The following KDM4C variants were observed in gnomAD, a reference collection of about 807,000 sequenced individuals.
KDM4C encodes lysine demethylase 4C.
A neutral mutation model predicts 129.3 loss-of-function variants in KDM4C; 81 were observed. The ratio of observed to expected loss-of-function variants is 0.63; its 90% confidence interval spans 0.52 to 0.75. The LOEUF (loss-of-function observed/expected upper bound fraction) is 0.75. Among genes scored for constraint, KDM4C ranks in the 30% least tolerant of loss-of-function variants. The pLI, the probability that KDM4C is intolerant of heterozygous loss-of-function variation, is 0.00. For synonymous variants in KDM4C, 573 were observed against 456.1 expected (o/e 1.26, Z -3.26); for missense variants, 1,457 against 1,304.0 (o/e 1.12, Z -1.81).
chr9:6,960,595 G>A (rs1454488797), intron 8 of KDM4C, among the ~76,000 whole-genome samples: 1 of 152,116 alleles, frequency 6.6e-6, no homozygotes, highest in Non-Finnish European at 1.5e-5. Flanking sequence ...GTCATAGAAA[G>A]TAGGAAAAAA....
intron 18 of KDM4C, among the ~76,000 whole-genome samples, chr9:7,115,990 C>T (rs1232087641): frequency 1.3e-5 from 2 of 152,160 alleles, no homozygotes; most frequent in Non-Finnish European, 2.9e-5. Context: ...CCTTTCTTGT[C>T]TTCTCATCCT....
At chr9:6,973,091 C>T (rs1832285256) in intron 8 of KDM4C, among the ~76,000 whole-genome samples, 1 of 152,196 alleles carries the variant, frequency 6.6e-6, no homozygotes, top group Non-Finnish European at 1.5e-5. Flanking sequence ...ACTTATAGTA[C>T]TACTGTTTTT....
intron 17 of KDM4C, among the ~76,000 whole-genome samples, chr9:7,085,683 T>G (rs971054936): frequency 6.6e-6 from 1 of 152,152 alleles, no homozygotes; most frequent in Non-Finnish European, 1.5e-5. Context: ...TTAATTTATT[T>G]TTTCTGTTGT....
chr9:7,116,920 G>A (rs928171311), intron 18 of KDM4C, among the ~76,000 whole-genome samples: 3 of 152,188 alleles, frequency 2.0e-5, no homozygotes, highest in African/African-American at 7.2e-5. Flanking sequence ...GTTGGGGACA[G>A]TGTATCAATG....
chr9:6,814,977 A>G (rs1831817889), intron 4 of KDM4C: 2 of 346,638 alleles, frequency 5.8e-6, no homozygotes, highest in Non-Finnish European at 1.0e-5. Flanking sequence ...GTATGTGGTT[A>G]TCTGGCTGAT....
intron 20 of KDM4C, among the ~76,000 whole-genome samples, chr9:7,167,684 G>C (rs1258451339): frequency 6.6e-6 from 1 of 152,184 alleles, no homozygotes; most frequent in African/African-American, 2.4e-5. Flanking sequence ...TCAATTGTAT[G>C]TTTGATCTTT....
intron 18 of KDM4C, among the ~76,000 whole-genome samples, chr9:7,111,435 A>G (rs1292935216): frequency 6.6e-6 from 1 of 152,202 alleles, no homozygotes; most frequent in African/African-American, 2.4e-5. Flanking sequence ...TTTGGATGAG[A>G]GATGTGCAAC....
intron 17 of KDM4C, among the ~76,000 whole-genome samples, chr9:7,060,915 C>G (rs1417754317): frequency 6.6e-6 from 1 of 152,186 alleles, no homozygotes; most frequent in East Asian, 1.9e-4. Context: ...AGCTGTTCCT[C>G]TTCCCCTACT....
At chr9:6,778,505 G>A (rs1230693729) in intron 1 of KDM4C, among the ~76,000 whole-genome samples, 5 of 150,990 alleles carry the variant, frequency 3.3e-5, no homozygotes, top group South Asian at 4.2e-4. Context: ...GGTAGCTCAC[G>A]CCTGTAATCC....
Position 6,930,051 on chromosome 9 carries a change from A to G in KDM4C, c.921+36819A>G, listed in dbSNP as rs114623919. Reference sequence around the variant, plus strand: ...TGGTGTAATTGGATGAATGTGATGCATTTGATTTAATTGGTTTTAGTTTGG... The same window carrying G: ...TGGTGTAATTGGATGAATGTGATGCGTTTGATTTAATTGGTTTTAGTTTGG... On this transcript the variant is annotated intron_variant, in intron 8 of 21. Transcript: ENST00000381309. 6.4e-3 allele frequency among the ~76,000 whole-genome samples: 974 copies of G among 152,252 alleles called. 12 individuals are homozygous for G. The highest frequency in any genetic ancestry group is 0.023 in the African/African-American group (937 of 41,524).
chr9:6,933,252 T>C (rs1824095128), intron 8 of KDM4C, among the ~76,000 whole-genome samples: 1 of 152,234 alleles, frequency 6.6e-6, no homozygotes, highest in Non-Finnish European at 1.5e-5. Flanking sequence ...ATCTGACAGG[T>C]AATTACATCT....
intron 14 of KDM4C, 116 bp downstream of exon 14, chr9:7,014,117 G>A: frequency 1.3e-6 from 1 of 745,080 alleles, no homozygotes; most frequent in Non-Finnish European, 2.2e-6. Flanking sequence ...ATTCTTAATG[G>A]TTATATCATT....
chr9:6,796,735 A>G (rs1827826238), intron 2 of KDM4C, among the ~76,000 whole-genome samples: 1 of 152,222 alleles, frequency 6.6e-6, no homozygotes, highest in Admixed American at 6.5e-5. Flanking sequence ...CAATCCTGTG[A>G]TAATTTCCTA....
At chr9:6,814,367 T>G (rs1831697748) in intron 3 of KDM4C, among the ~76,000 whole-genome samples, 1 of 152,196 alleles carries the variant, frequency 6.6e-6, no homozygotes, top group Non-Finnish European at 1.5e-5. Flanking sequence ...ATAATGACTT[T>G]TAAACTGCTT....
intron 1 of KDM4C, among the ~76,000 whole-genome samples, chr9:6,778,257 T>C (rs1218375519): frequency 6.6e-6 from 1 of 151,550 alleles, no homozygotes; most frequent in African/African-American, 2.4e-5. Flanking sequence ...CCCTGGCTAA[T>C]TTTTGTATTT....
chr9:6,765,798 T>A (rs778813167), intron 1 of KDM4C, among the ~76,000 whole-genome samples: 1 of 152,202 alleles, frequency 6.6e-6, no homozygotes. Flanking sequence ...TTTTTCTTTT[T>A]TTTGCAGGGG....
At chr9:7,133,736 G>A (rs1309762402) in intron 19 of KDM4C, among the ~76,000 whole-genome samples, 1 of 152,216 alleles carries the variant, frequency 6.6e-6, no homozygotes, top group African/African-American at 2.4e-5. Context: ...CCGTTTCAGT[G>A]TTGAGCCCCG....
chr9:6,888,813 A>T (rs1588945732), intron 7 of KDM4C, among the ~76,000 whole-genome samples: 1 of 21,212 alleles, frequency 4.7e-5, no homozygotes, highest in Non-Finnish European at 7.7e-5. Flanking sequence ...TTTGAGACGG[A>T]GTCTCGCTCT....
chr9:6,856,475 G>A (rs1424483650), intron 5 of KDM4C, among the ~76,000 whole-genome samples: 3 of 151,368 alleles, frequency 2.0e-5, no homozygotes, highest in Non-Finnish European at 4.4e-5. Context: ...ATACTCTTAA[G>A]TTGAAGTAAT....
Sources: allele counts gnomAD v4.1 joint callset (sites outside exome capture counted in the v4.1 genomes callset), GRCh38; gene constraint gnomAD v4.1.1; transcripts MANE v1.5; gene names NCBI Gene and HGNC (gene_info 2026-07-23, HGNC 2026-07-21).